The following TPP2 variants were observed in gnomAD, a reference collection of about 807,000 sequenced individuals.
The protein encoded by TPP2 is tripeptidyl peptidase 2, also known as tripeptidyl-peptidase 2.
TPP2 carries 34 observed loss-of-function variants against 155.9 expected under a neutral mutation model. The ratio of observed to expected loss-of-function variants is 0.22; its 90% CI spans 0.17 to 0.29. TPP2 has a LOEUF of 0.29. Ranked by LOEUF, TPP2 falls within the 10% of genes least tolerant of loss-of-function variation. The probability of loss-of-function intolerance (pLI) is 1.00; values close to 1 mark genes in which losing one functional copy is unlikely to be tolerated. For synonymous variants in TPP2, 510 were observed against 529.4 expected (o/e 0.96, Z 0.50); for missense variants, 1,028 against 1,522.3 (o/e 0.68, Z 5.40).
intron 6 of TPP2, among the ~76,000 whole-genome samples, chr13:102,624,224 T>C (rs1881389482): frequency 6.6e-6 from 1 of 152,132 alleles, no homozygotes; most frequent in Non-Finnish European, 1.5e-5. Flanking sequence ...GATGGAAAGA[T>C]TATGCACACC....
At chr13:102,626,073 T>C (rs1035419231) in intron 6 of TPP2, among the ~76,000 whole-genome samples, 2 of 152,194 alleles carry the variant, frequency 1.3e-5, no homozygotes, top group Non-Finnish European at 2.9e-5. Context: ...GGTCAAGAAA[T>C]GAAACATAAT....
chr13:102,641,173 T>G (rs867112996), intron 16 of TPP2, among the ~76,000 whole-genome samples: 17 of 152,234 alleles, frequency 1.1e-4, no homozygotes, highest in African/African-American at 2.7e-4. Flanking sequence ...TGTCATTCTT[T>G]TTTACAAGAG....
rs542591488 is a variant in TPP2, at chr13:102,632,073, G to A, written c.1245-1877G>A. ...GTTCAAGACCAGCCTGGCCAACGTG[G>A]TGAAATCCCATCTCTACTAAAAATA... On this transcript the variant is annotated intron_variant, in intron 10 of 29. Coordinates refer to ENST00000376052, the MANE Select transcript of TPP2 (RefSeq NM_001330588.2). Among the ~76,000 whole-genome samples the A allele has an allele frequency of 3.3e-5, 5 of 152,278 alleles. No individual in the cohort carries two copies. In the East Asian group the frequency reaches 9.7e-4, roughly 29 times the overall value.
chr13:102,623,380 A>G (rs1443139105), intron 6 of TPP2, among the ~76,000 whole-genome samples: 3 of 152,142 alleles, frequency 2.0e-5, no homozygotes, highest in Non-Finnish European at 4.4e-5. Flanking sequence ...CCTGACCAAC[A>G]TGGAGAAACC....
At chr13:102,671,435 C>G (rs116894952) in intron 27 of TPP2, among the ~76,000 whole-genome samples, 3 of 152,138 alleles carry the variant, frequency 2.0e-5, no homozygotes, top group Admixed American at 6.5e-5. Flanking sequence ...GGTCACTGTT[C>G]TACCTAAATA....
At chr13:102,616,988 G>A (rs1595145604) in intron 4 of TPP2, among the ~76,000 whole-genome samples, 1 of 149,802 alleles carries the variant, frequency 6.7e-6, no homozygotes, top group South Asian at 2.1e-4. Context: ...TCGGCTCATT[G>A]CAACCTCTGC....
intron 15 of TPP2, among the ~76,000 whole-genome samples, chr13:102,638,854 A>C (rs542426285): frequency 6.6e-6 from 1 of 152,342 alleles, no homozygotes; most frequent in East Asian, 1.9e-4. Flanking sequence ...TCCAAAGGTC[A>C]AGTTCAAGCT....
intron 7 of TPP2, 125 bp from the exon 8 acceptor site, chr13:102,627,723 A>T (rs188972135): frequency 1.8e-5 from 12 of 657,334 alleles, no homozygotes; most frequent in Admixed American, 9.4e-5. Context: ...ATATGCCTGG[A>T]GGTAACTTAT....
chr13:102,608,087 C>T (rs1051635410), intron 2 of TPP2: 1 of 152,130 alleles, frequency 6.6e-6, no homozygotes, highest in Non-Finnish European at 1.5e-5. Flanking sequence ...TATTCTCAGC[C>T]CCTCATTGTG....
intron 3 of TPP2, among the ~76,000 whole-genome samples, chr13:102,615,078 G>A (rs752074546): frequency 9.2e-5 from 14 of 152,066 alleles, no homozygotes; most frequent in Non-Finnish European, 1.8e-4. Flanking sequence ...CCTCTGTCGT[G>A]TTATTTCCCC....
At chr13:102,653,299 A>C (rs1449704183) in intron 24 of TPP2, among the ~76,000 whole-genome samples, 2 of 152,198 alleles carry the variant, frequency 1.3e-5, no homozygotes, top group African/African-American at 2.4e-5. Context: ...ATAATTCTTA[A>C]TAGATTTTTT....
intron 27 of TPP2, among the ~76,000 whole-genome samples, chr13:102,667,443 T>C (rs1323412123): frequency 2.0e-5 from 3 of 152,170 alleles, no homozygotes; most frequent in East Asian, 1.9e-4. Context: ...ATGAAACTTA[T>C]CATCTAATAT....
At chr13:102,660,716 A>T (rs571143705) in intron 25 of TPP2, among the ~76,000 whole-genome samples, 2 of 152,344 alleles carry the variant, frequency 1.3e-5, no homozygotes, top group Admixed American at 1.3e-4. Flanking sequence ...ACACTTCCTG[A>T]TTCCAAAACT....
chr13:102,643,147 G>A (rs746275447), intron 16 of TPP2, 75 bp from the exon 17 acceptor site: 28 of 1,389,550 alleles, frequency 2.0e-5, no homozygotes, highest in Admixed American at 2.9e-5. Context: ...CCCTAAGTGG[G>A]CATTATTAAA....
chr13:102,653,030 G>A (rs1378745949), intron 24 of TPP2, among the ~76,000 whole-genome samples: 1 of 152,162 alleles, frequency 6.6e-6, no homozygotes, highest in Non-Finnish European at 1.5e-5. Context: ...GCAAGTTTGG[G>A]TAGATTTTGT....
chr13:102,645,096 T>G (rs1436152498), intron 19 of TPP2, 87 bp downstream of exon 19: 2 of 1,192,604 alleles, frequency 1.7e-6, no homozygotes, highest in African/African-American at 1.6e-5. Context: ...TTTTTTTTTT[T>G]TAATCCACCT....
intron 19 of TPP2, among the ~76,000 whole-genome samples, 191 bp from the exon 20 acceptor site, chr13:102,646,103 T>C (rs1053008832): frequency 1.3e-5 from 2 of 152,246 alleles, no homozygotes; most frequent in Non-Finnish European, 2.9e-5. Flanking sequence ...ACTGTATGTA[T>C]TGATATGATT....
intron 28 of TPP2, 109 bp downstream of exon 28, chr13:102,674,599 C>T (rs1454215008): frequency 1.3e-5 from 14 of 1,094,224 alleles, no homozygotes; most frequent in African/African-American, 1.3e-4. Context: ...AAAGAATCTA[C>T]GCTGGGCTCT....
intron 4 of TPP2, among the ~76,000 whole-genome samples, chr13:102,618,222 G>T (rs1275503249): frequency 4.6e-5 from 7 of 152,114 alleles, no homozygotes; most frequent in Non-Finnish European, 8.8e-5. Context: ...CCCATTAAAT[G>T]CTTCTATTTA....
Sources: gnomAD v4.1 joint callset for allele counts (sites outside exome capture counted in the v4.1 genomes callset) on GRCh38, gnomAD v4.1.1 for gene constraint, MANE v1.5 for transcripts, NCBI Gene and HGNC (gene_info 2026-07-23, HGNC 2026-07-21) for gene names.